The following CNTN5 variants were observed in gnomAD, a reference collection of about 807,000 sequenced individuals.
CNTN5 encodes the protein contactin-5.
CNTN5 carries 77 observed loss-of-function variants against 129.1 expected under a neutral mutation model. That is an observed-to-expected ratio of 0.60 (90% CI 0.50 to 0.72). CNTN5 has a LOEUF of 0.72. Ranked by LOEUF, CNTN5 falls within the 30% of genes least tolerant of loss-of-function variation. The probability of loss-of-function intolerance (pLI) is 0.00; values close to 1 mark genes in which losing one functional copy is unlikely to be tolerated. For missense variants in CNTN5, 1,478 were observed against 1,328.8 expected (o/e 1.11, Z -1.75); for synonymous variants, 509 against 465.6 (o/e 1.09, Z -1.20).
At chr11:100,095,408 G>A (rs1222174231) in intron 13 of CNTN5, among the ~76,000 whole-genome samples, 5 of 151,988 alleles carry the variant, frequency 3.3e-5, no homozygotes, top group African/African-American at 9.7e-5. Context: ...AAAAATTCAC[G>A]ATGTGTTTGA....
intron 7 of CNTN5, among the ~76,000 whole-genome samples, chr11:99,945,432 G>A (rs1950532382): frequency 2.0e-5 from 3 of 151,604 alleles, no homozygotes; most frequent in Admixed American, 2.0e-4. Context: ...TTTTTAGAAT[G>A]ACTGCTAGGA....
intron 9 of CNTN5, among the ~76,000 whole-genome samples, chr11:100,048,729 G>A (rs558720712): frequency 9.2e-4 from 139 of 151,808 alleles, no homozygotes; most frequent in Middle Eastern, 3.4e-3. Context: ...GCTACATAAC[G>A]TATATCAAGG....
At chr11:99,868,311 G>A (rs1034532902) in intron 6 of CNTN5, among the ~76,000 whole-genome samples, 14 of 151,224 alleles carry the variant, frequency 9.3e-5, no homozygotes, top group Non-Finnish European at 1.9e-4. Flanking sequence ...AACAATAATT[G>A]TAAACAGAGC....
At chr11:100,257,852 T>C (rs1483032559) in intron 17 of CNTN5, among the ~76,000 whole-genome samples, 2 of 151,990 alleles carry the variant, frequency 1.3e-5, no homozygotes, top group Non-Finnish European at 2.9e-5. Flanking sequence ...ACAAAAAGGC[T>C]GAAAATTCCA....
chr11:99,954,615 T>C (rs902859890), intron 7 of CNTN5, among the ~76,000 whole-genome samples: 1 of 152,168 alleles, frequency 6.6e-6, no homozygotes, highest in Admixed American at 6.6e-5. Flanking sequence ...AAAATAATTA[T>C]AGATTTATAG....
At chr11:99,797,691 T>G (rs1178337199) in intron 3 of CNTN5, among the ~76,000 whole-genome samples, 1 of 152,118 alleles carries the variant, frequency 6.6e-6, no homozygotes, top group East Asian at 1.9e-4. Flanking sequence ...CTTCATCAGG[T>G]GCATTTTTTT....
At chr11:99,974,364 G>A (rs989587089) in intron 8 of CNTN5, among the ~76,000 whole-genome samples, 7 of 152,268 alleles carry the variant, frequency 4.6e-5, no homozygotes, top group African/African-American at 1.4e-4. Flanking sequence ...TCGAGCTACA[G>A]ATCTAACTCA....
At chr11:100,137,445 G>T (rs907973965) in intron 13 of CNTN5, among the ~76,000 whole-genome samples, 2 of 152,064 alleles carry the variant, frequency 1.3e-5, no homozygotes, top group Non-Finnish European at 2.9e-5. Flanking sequence ...GAACTCTCAT[G>T]GGGAAGAAAG....
At chr11:99,765,786 A>T (rs1402756495) in intron 3 of CNTN5, among the ~76,000 whole-genome samples, 1 of 151,842 alleles carries the variant, frequency 6.6e-6, no homozygotes, top group East Asian at 1.9e-4. Context: ...AGAAGGGTAC[A>T]CAAAAGGAAG....
intron 2 of CNTN5, among the ~76,000 whole-genome samples, chr11:99,384,434 T>C (rs917640105): frequency 1.3e-5 from 2 of 152,206 alleles, no homozygotes; most frequent in African/African-American, 4.8e-5. Context: ...TGATATTTGA[T>C]TGCCAAAATG....
At chr11:99,442,025 GAT>G (rs1385428037) in intron 2 of CNTN5, among the ~76,000 whole-genome samples, 1 of 152,190 alleles carries the variant, frequency 6.6e-6, no homozygotes, top group East Asian at 1.9e-4. Context: ...TCTCCTCCAG[GAT>G]GTTTCCCTGA....
intron 13 of CNTN5, among the ~76,000 whole-genome samples, chr11:100,100,121 T>C (rs935967751): frequency 2.1e-4 from 32 of 152,158 alleles, no homozygotes; most frequent in African/African-American, 1.2e-4. Context: ...TGGGTTTTAA[T>C]TGGCTGCAGT....
intron 7 of CNTN5, among the ~76,000 whole-genome samples, chr11:99,932,227 T>C (rs1950208926): frequency 6.6e-6 from 1 of 152,192 alleles, no homozygotes; most frequent in South Asian, 2.1e-4. Context: ...GTCTCGCTGT[T>C]GTCAGCCCGG....
intron 3 of CNTN5, among the ~76,000 whole-genome samples, chr11:99,663,714 C>G (rs1952681839): frequency 1.3e-5 from 2 of 152,088 alleles, no homozygotes; most frequent in Admixed American, 6.6e-5. Context: ...TTTGCTCTTT[C>G]TCTCAATTGC....
chr11:99,531,779 G>C lies in CNTN5; in HGVS notation c.-70-24366G>C, dbSNP rs543577514. Among the ~76,000 whole-genome samples, 6 of 152,218 alleles carry C rather than the reference G, an allele frequency of 3.9e-5. 1 individual carries two copies. In the South Asian group the frequency reaches 1.2e-3, roughly 32 times the overall value. On this transcript the variant is annotated intron_variant, in intron 2 of 24. Transcript: ENST00000524871. ...GTGGCATTGAGCGTTCGAGTGCACA[G>C]AACTAGAAGTCAAGAATTCAGGTTT... is the stretch of plus-strand genomic sequence containing the variant.
chr11:100,297,949 C>T (rs1323844172), intron 19 of CNTN5, among the ~76,000 whole-genome samples: 1 of 151,328 alleles, frequency 6.6e-6, no homozygotes, highest in Non-Finnish European at 1.5e-5. Flanking sequence ...TACATATTTT[C>T]CTAATAAACA....
At chr11:99,350,371 G>A (rs1938212015) in intron 2 of CNTN5, among the ~76,000 whole-genome samples, 1 of 151,934 alleles carries the variant, frequency 6.6e-6, no homozygotes, top group Admixed American at 6.6e-5. Flanking sequence ...ACTATAAAAT[G>A]GTCTAACCAC....
At chr11:99,270,590 C>A (rs1366090285) in intron 1 of CNTN5, among the ~76,000 whole-genome samples, 2 of 151,888 alleles carry the variant, frequency 1.3e-5, no homozygotes, top group Non-Finnish European at 2.9e-5. Flanking sequence ...ATGACCTCTA[C>A]CAGCTCTACT....
At chr11:99,660,709 T>A (rs1952564125) in intron 3 of CNTN5, among the ~76,000 whole-genome samples, 1 of 152,090 alleles carries the variant, frequency 6.6e-6, no homozygotes, top group South Asian at 2.1e-4. Flanking sequence ...GTGTAAATAA[T>A]TGTTCCAATG....
Sources: gnomAD v4.1 joint callset for allele counts (sites outside exome capture counted in the v4.1 genomes callset) on GRCh38, gnomAD v4.1.1 for gene constraint, MANE v1.5 for transcripts, NCBI Gene and HGNC (gene_info 2026-07-23, HGNC 2026-07-21) for gene names.